OR6C2: variants seen among roughly 807,000 people sequenced by gnomAD.
OR6C2 encodes the protein olfactory receptor family 6 subfamily C member 2.
For missense variants in OR6C2, 435 were observed against 365.8 expected, an observed-to-expected ratio of 1.19 and a Z score of -1.54; for synonymous variants, 146 against 134.2, an observed-to-expected ratio of 1.09 and a Z score of -0.61.
intron 1 of OR6C2, among the ~76,000 whole-genome samples, chr12:55,449,787 A>C (rs1331174310): frequency 6.6e-6 from 1 of 151,930 alleles, no homozygotes; most frequent in Non-Finnish European, 1.5e-5. Flanking sequence ...TAAACAACCA[A>C]GCAGATAACA....
Position 55,451,333 on chromosome 12 carries a change from G to A in OR6C2, c.-881G>A, listed in dbSNP as rs1871465788. Reference sequence around the variant, plus strand: ...CCCCCACTATACTTCCCAGCCTCTGGTAAACATCCTTCTACTCTCTATGTC... The same window carrying A: ...CCCCCACTATACTTCCCAGCCTCTGATAAACATCCTTCTACTCTCTATGTC... On this transcript the variant is annotated 5_prime_UTR_variant, in exon 2 of 2. Transcript: ENST00000641202. 1 of 151,708 alleles carries A rather than the reference G, an allele frequency of 6.6e-6. No individual in the cohort carries two copies. 9.4% of individuals were successfully genotyped at this position (151,708 alleles called of 1,614,324 possible). A position where few individuals can be genotyped will look rare whatever the true frequency, so the allele number is the denominator to read the frequency against.
chr12:55,451,054 AATGT>A (rs10594415), intron 1 of OR6C2, among the ~76,000 whole-genome samples: 56,918 of 151,296 alleles, frequency 0.38, 10,836 homozygotes, highest in East Asian at 0.5. Flanking sequence ...GTACATAGCA[AATGT>A]ATGTATTTAT....
intron 1 of OR6C2, among the ~76,000 whole-genome samples, chr12:55,449,871 T>A (rs559519042): frequency 7.9e-4 from 119 of 151,568 alleles, no homozygotes; most frequent in Non-Finnish European, 7.5e-4. Context: ...CTCTGGAAAA[T>A]GTATTAGCAA....
chr12:55,447,130 T>TTCTGTAAGTTACGATA lies in OR6C2; in HGVS notation c.-888+2973_-888+2974insTGTAAGTTACGATATC, dbSNP rs1199178782. 3.3e-5 allele frequency among the ~76,000 whole-genome samples: 5 copies of TTCTGTAAGTTACGATA among 152,260 alleles called. No individual in the cohort carries two copies. The East Asian group carries it at 7.7e-4, about 24-fold the overall frequency. ...CTGTTAATACTTACAGAAGTTACGA[T>TTCTGTAAGTTACGATA]TCATTTAGATAGTCTCATGGTCCTC... On this transcript the variant is annotated intron_variant, in intron 1 of 1. Coordinates refer to ENST00000641202, the MANE Select transcript of OR6C2 (RefSeq NM_054105.2).
In OR6C2 at chr12:55,452,063, CA is replaced by C; in HGVS notation, c.-149del. ...TTTAGAAAGGTTATTGGAACACTGG[CA>C]ACATTGATTATTCTATAAAGGGAGA... On this transcript the variant is annotated 5_prime_UTR_variant, in exon 2 of 2. Transcript: ENST00000641202. 1.9e-6 allele frequency: 1 copy of C among 525,390 alleles called. No individual in the cohort carries two copies. Among genetic ancestry groups the C allele is most frequent in the East Asian group, 2.9e-5 (1 of 34,146 alleles). 32.5% of individuals were successfully genotyped at this position (525,390 alleles called of 1,614,324 possible). A position where few individuals can be genotyped will look rare whatever the true frequency, so the allele number is the denominator to read the frequency against.
Position 55,452,522 on chromosome 12 carries a change from T to C in OR6C2, c.309T>C (p.Ile103=), listed in dbSNP as rs1170687700. 6.2e-7 allele frequency: 1 copy of C among 1,613,970 alleles called. No individual in the cohort carries two copies. Among genetic ancestry groups the C allele is most frequent in the Non-Finnish European group, 8.5e-7 (1 of 1,179,874 alleles). Residue 103 remains isoleucine, a synonymous_variant, in exon 2 of 2, where the codon ATT becomes ATC. Transcript: ENST00000641202. Reference sequence around the variant, plus strand: ...GTGCCAGTCAAATATTCTTTGTTATTCTCTTTGGAGCAACAGAATTTTTTC... The same window carrying C: ...GTGCCAGTCAAATATTCTTTGTTATCCTCTTTGGAGCAACAGAATTTTTTC... ...NACASQIFFV[I]LFGATEFFLL...
rs1398020292 is a variant in OR6C2, at chr12:55,453,262, T to C, written c.*110T>C. On this transcript the variant is annotated 3_prime_UTR_variant, in exon 2 of 2. Transcript: ENST00000641202. ...GACTACAGTTTAGTCATGTGAACCT[T>C]CTCAATGACATTTAATATTGCATCC... is the stretch of plus-strand genomic sequence containing the variant. 1.4e-6 allele frequency: 1 copy of C among 721,836 alleles called. No individual in the cohort carries two copies. Among genetic ancestry groups the C allele is most frequent in the East Asian group, 2.7e-5 (1 of 37,010 alleles). The allele number at this position is 721,836 out of a possible 1,614,324, so 44.7% of individuals were successfully genotyped here. A position where few individuals can be genotyped will look rare whatever the true frequency, so the allele number is the denominator to read the frequency against.
Position 55,451,897 on chromosome 12 carries a change from T to G in OR6C2, c.-317T>G. The G allele has an allele frequency of 4.2e-6, 1 of 237,304 alleles. No homozygotes were observed. The highest frequency in any genetic ancestry group is 8.1e-6 in the Non-Finnish European group (1 of 123,880). 14.7% of individuals were successfully genotyped at this position (237,304 alleles called of 1,614,324 possible). Reference sequence around the variant, plus strand: ...AATGACATCATTTCTTTCTAACCCATTTGTAAATCCATTCCATGTAACAAA... The same window carrying G: ...AATGACATCATTTCTTTCTAACCCAGTTGTAAATCCATTCCATGTAACAAA... On this transcript the variant is annotated 5_prime_UTR_variant, in exon 2 of 2. Transcript: ENST00000641202.
chr12:55,452,558 C>T lies in OR6C2; in HGVS notation c.345C>T (p.Ala115=), dbSNP rs1565691689. ...CAACAGAATTTTTTCTCTTGGCAGCCATGTCCTATGACCGCTATGTGGCCA... is the reference window on the plus strand; with the variant it reads ...CAACAGAATTTTTTCTCTTGGCAGCTATGTCCTATGACCGCTATGTGGCCA... The part of the protein sequence containing the change: ...FGATEFFLLA[A]MSYDRYVAIC... The change falls in exon 2 of 2, where the codon GCC becomes GCT. Residue 115 remains alanine (A), a synonymous_variant. Transcript: ENST00000641202. The T allele has an allele frequency of 1.2e-6, 2 of 1,613,740 alleles. No homozygotes were observed. Among genetic ancestry groups the T allele is most frequent in the Admixed American group, 1.7e-5 (1 of 59,924 alleles).
chr12:55,449,851 C>CA (rs950158686), intron 1 of OR6C2, among the ~76,000 whole-genome samples: 36 of 149,766 alleles, frequency 2.4e-4, no homozygotes, highest in Non-Finnish European at 3.9e-4. Flanking sequence ...GTTCAGAGAG[C>CA]AAAAAAAAAC....
In OR6C2 at chr12:55,452,878, C is replaced by A. The variant is rs759876401; in HGVS notation, c.665C>A (p.Thr222Lys). 1.2e-6 allele frequency: 2 copies of A among 1,613,710 alleles called. No individual in the cohort carries two copies. The highest frequency in any genetic ancestry group is 1.7e-6 in the Non-Finnish European group (2 of 1,179,822). The change falls in exon 2 of 2, where the codon ACA (threonine) becomes AAA (lysine). Residue 222 changes from threonine to lysine, a missense_variant. By Grantham distance (78) the Thr-to-Lys change is moderately conservative. Coordinates refer to ENST00000641202, the MANE Select transcript of OR6C2 (RefSeq NM_054105.2). The part of the protein sequence containing the change: ...VILSYLYIVR[T>K]ILKFPSVQQR... ...CTGTCCTACTTGTACATAGTCAGAA[C>A]AATTCTGAAGTTCCCTTCTGTTCAG...
chr12:55,448,856 G>A (rs1405947599), intron 1 of OR6C2, among the ~76,000 whole-genome samples: 16 of 151,686 alleles, frequency 1.1e-4, no homozygotes. Context: ...ATTATTCCAG[G>A]CTATGGAAAT....
chr12:55,449,495 T>C lies in OR6C2; in HGVS notation c.-887-1832T>C, dbSNP rs1270733315. Among the ~76,000 whole-genome samples the C allele has an allele frequency of 2.6e-5, 4 of 151,908 alleles. No individual in the cohort carries two copies. The South Asian group carries it at 6.2e-4, about 24-fold the overall frequency. On this transcript the variant is annotated intron_variant, in intron 1 of 1. Coordinates refer to ENST00000641202, the MANE Select transcript of OR6C2 (RefSeq NM_054105.2). Reference sequence around the variant, plus strand: ...TTGAGTGACCCTAAAGATCCACTGATCCTAAGAGTATTAGGATATCTTTGA... The same window carrying C: ...TTGAGTGACCCTAAAGATCCACTGACCCTAAGAGTATTAGGATATCTTTGA...
chr12:55,446,611 A>T (rs1871367322), intron 1 of OR6C2, among the ~76,000 whole-genome samples: 1 of 152,162 alleles, frequency 6.6e-6, no homozygotes, highest in Non-Finnish European at 1.5e-5. Flanking sequence ...CCTTGAGAAG[A>T]GTGGAGAACT....
intron 1 of OR6C2, among the ~76,000 whole-genome samples, chr12:55,450,507 A>G (rs1294118045): frequency 2.6e-5 from 4 of 152,144 alleles, no homozygotes; most frequent in African/African-American, 9.6e-5. Flanking sequence ...GCAATAGGTA[A>G]CACCAGTGGA....
chr12:55,445,208 C>T (rs1282326805), intron 1 of OR6C2, among the ~76,000 whole-genome samples: 1 of 152,124 alleles, frequency 6.6e-6, no homozygotes, highest in Non-Finnish European at 1.5e-5. Context: ...CATCTTCATT[C>T]TCATTATGCC....
chr12:55,448,227 A>G (rs1432537332), intron 1 of OR6C2, among the ~76,000 whole-genome samples: 2 of 151,590 alleles, frequency 1.3e-5, no homozygotes, highest in Non-Finnish European at 3.0e-5. Context: ...GGAATTTTTT[A>G]TGTATTTTGG....
At position 55,452,235 on chromosome 12, in the gene OR6C2, A is replaced by G. The variant is rs1871488213; in HGVS notation, c.22A>G (p.Arg8Gly). The G allele has an allele frequency of 4.4e-6, 7 of 1,586,110 alleles. No homozygotes were observed. The highest frequency in any genetic ancestry group is 2.2e-5 in the East Asian group (1 of 44,680). MKNHTVI[R>G]TFILLGLTGD... ...AGTGATGAAAAACCACACAGTAATA[A>G]GAACTTTTATCCTGCTGGGACTGAC... is the stretch of plus-strand genomic sequence containing the variant. The change falls in exon 2 of 2, where the codon AGA becomes GGA. Residue 8 changes from arginine (R) to glycine (G), a missense_variant. Coordinates refer to ENST00000641202, the MANE Select transcript of OR6C2 (RefSeq NM_054105.2).
chr12:55,448,341 T>A (rs1253754731), intron 1 of OR6C2, among the ~76,000 whole-genome samples: 48 of 151,516 alleles, frequency 3.2e-4, no homozygotes. Flanking sequence ...CATTTATCTG[T>A]TCATTTTGAA....
Sources: gnomAD v4.1 joint callset for allele counts (sites outside exome capture counted in the v4.1 genomes callset) on GRCh38, gnomAD v4.1.1 for gene constraint, MANE v1.5 for transcripts, NCBI Gene and HGNC (gene_info 2026-07-23, HGNC 2026-07-21) for gene names.